PTPRE: variants seen among roughly 807,000 people sequenced by gnomAD.
PTPRE encodes the protein protein tyrosine phosphatase receptor type E.
In PTPRE, 51 loss-of-function variants were observed where a neutral mutation model predicts 102.0. The observed-to-expected ratio is 0.50, with a 90% CI of 0.40 to 0.63. PTPRE has a LOEUF of 0.63. PTPRE is among the 30% of genes least tolerant of loss of function. PTPRE has a pLI of 0.00. For synonymous variants in PTPRE, 345 were observed against 348.2 expected (o/e 0.99, Z 0.10); for missense variants, 752 against 915.1 (o/e 0.82, Z 2.30).
At chr10:128,064,886 T>C (rs576493453) in intron 10 of PTPRE, among the ~76,000 whole-genome samples, 1 of 152,318 alleles carries the variant, frequency 6.6e-6, no homozygotes, top group Non-Finnish European at 1.5e-5. Flanking sequence ...TGGCATCTCA[T>C]GATCGGGTGG....
chr10:127,921,765 C>A (rs1846624954), intron 1 of PTPRE, among the ~76,000 whole-genome samples: 1 of 152,144 alleles, frequency 6.6e-6, no homozygotes, highest in Non-Finnish European at 1.5e-5. Context: ...TTACAAAGCT[C>A]CCCCAGGAAA....
intron 3 of PTPRE, among the ~76,000 whole-genome samples, chr10:128,046,566 T>G (rs1848106073): frequency 6.6e-6 from 1 of 151,464 alleles, no homozygotes; most frequent in Non-Finnish European, 1.5e-5. Context: ...TTCTTGGAGG[T>G]GGGGGCCTTT....
At chr10:128,002,313 G>A (rs1854003992) in intron 2 of PTPRE, among the ~76,000 whole-genome samples, 1 of 152,178 alleles carries the variant, frequency 6.6e-6, no homozygotes, top group East Asian at 1.9e-4. Flanking sequence ...GAGGAAGTGG[G>A]CAAGGACAAA....
At chr10:127,931,483 G>C (rs999262731) in intron 1 of PTPRE, among the ~76,000 whole-genome samples, 7 of 152,202 alleles carry the variant, frequency 4.6e-5, no homozygotes, top group Non-Finnish European at 8.8e-5. Flanking sequence ...GCAGAAGCTG[G>C]CCTGTGATAG....
intron 1 of PTPRE, among the ~76,000 whole-genome samples, chr10:127,930,827 T>C (rs1847375953): frequency 6.6e-6 from 1 of 151,298 alleles, no homozygotes; most frequent in South Asian, 2.1e-4. Context: ...GGAGTCTCAC[T>C]CTGTTGCCAG....
At chr10:127,966,179 G>T (rs1032541575) in intron 1 of PTPRE, among the ~76,000 whole-genome samples, 2 of 152,192 alleles carry the variant, frequency 1.3e-5, no homozygotes, top group Admixed American at 6.5e-5. Flanking sequence ...GAGGTCCTAT[G>T]CTGCATCTGG....
At chr10:128,075,703 T>A (rs1851163203) in intron 17 of PTPRE, among the ~76,000 whole-genome samples, 1 of 152,244 alleles carries the variant, frequency 6.6e-6, no homozygotes, top group Non-Finnish European at 1.5e-5. Flanking sequence ...GGTGTCCTAA[T>A]TATTGTTAAT....
intron 7 of PTPRE, among the ~76,000 whole-genome samples, chr10:128,057,381 C>T (rs778243228): frequency 6.6e-6 from 1 of 152,162 alleles, no homozygotes; most frequent in African/African-American, 2.4e-5. Context: ...CTGCAGCCTC[C>T]GCCTGGTCCA....
rs376454644 is a variant in PTPRE, at chr10:128,061,039, T to A, written c.588+24T>A. On this transcript the variant is annotated intron_variant, in intron 8 of 20. Coordinates refer to ENST00000254667, the MANE Select transcript of PTPRE (RefSeq NM_006504.6). Reference sequence around the variant, plus strand: ...ATGTAAGTGGGCAGAGGTTTCTTGTTCCCCTGGCCCAGCTGGGGCATGAGC... The same window carrying A: ...ATGTAAGTGGGCAGAGGTTTCTTGTACCCCTGGCCCAGCTGGGGCATGAGC... 595 of 1,608,560 alleles carry A rather than the reference T, an allele frequency of 3.7e-4. 1 individual carries two copies. Among genetic ancestry groups the A allele is most frequent in the Non-Finnish European group, 4.7e-4 (556 of 1,175,128 alleles).
chr10:128,076,341 T>G (rs1008807592), intron 17 of PTPRE, among the ~76,000 whole-genome samples: 4 of 152,192 alleles, frequency 2.6e-5, no homozygotes, highest in Admixed American at 6.5e-5. Context: ...AGAAAACCAA[T>G]TTTTCCAGCC....
chr10:127,929,210 T>A (rs1433752405), intron 1 of PTPRE, among the ~76,000 whole-genome samples: 1 of 152,226 alleles, frequency 6.6e-6, no homozygotes. Flanking sequence ...TCACAGCGGC[T>A]TATGTAATTA....
intron 1 of PTPRE, among the ~76,000 whole-genome samples, chr10:127,943,921 G>C (rs1376443197): frequency 2.6e-5 from 4 of 152,196 alleles, no homozygotes; most frequent in African/African-American, 9.7e-5. Context: ...GGTTGACCTG[G>C]CTGTGGACTC....
intron 2 of PTPRE, 110 bp from the exon 3 acceptor site, chr10:128,040,765 A>C (rs1847619101): frequency 2.6e-6 from 2 of 769,314 alleles, no homozygotes; most frequent in African/African-American, 3.5e-5. Context: ...CTTGGCTCAG[A>C]GAAAGCCCTG....
intron 1 of PTPRE, among the ~76,000 whole-genome samples, chr10:127,979,554 G>A (rs1206737981): frequency 6.6e-6 from 1 of 152,158 alleles, no homozygotes; most frequent in Admixed American, 6.5e-5. Flanking sequence ...GTGCACACCT[G>A]TAGTCCCAGC....
At chr10:128,001,428 C>T (rs547617657) in intron 2 of PTPRE, among the ~76,000 whole-genome samples, 13 of 152,310 alleles carry the variant, frequency 8.5e-5, no homozygotes, top group South Asian at 8.3e-4. Context: ...ATCCCAGTCA[C>T]GCACTGGGGG....
chr10:127,916,516 A>G lies in PTPRE; in HGVS notation c.-31+9207A>G, dbSNP rs142361046. Among the ~76,000 whole-genome samples, 687 of 152,304 alleles carry G rather than the reference A, an allele frequency of 4.5e-3. 3 individuals carry two copies. Among genetic ancestry groups the G allele is most frequent in the Non-Finnish European group, 7.0e-3 (473 of 68,026 alleles). On this transcript the variant is annotated intron_variant, in intron 1 of 20. Transcript: ENST00000254667. The stretch of plus-strand genomic sequence containing the variant: ...ATTACCCAGTCTTAGGCAGTTCTTT[A>G]TAGCAGTATGAAAACAGACTAATAC...
chr10:128,013,979 C>T (rs774248379), intron 2 of PTPRE, among the ~76,000 whole-genome samples: 9 of 152,154 alleles, frequency 5.9e-5, no homozygotes, highest in East Asian at 1.9e-4. Flanking sequence ...GAGGCTACCA[C>T]GGAATTAGAC....
chr10:127,959,817 C>T (rs1849668176), intron 1 of PTPRE, among the ~76,000 whole-genome samples: 1 of 152,120 alleles, frequency 6.6e-6, no homozygotes, highest in Admixed American at 6.5e-5. Context: ...TAATATGACC[C>T]ACCTTGCAGG....
In PTPRE at chr10:128,008,645, G is replaced by T. The variant is rs1009345404; in HGVS notation, c.-8+26349G>T. 9.2e-5 allele frequency among the ~76,000 whole-genome samples: 14 copies of T among 152,182 alleles called. No individual in the cohort carries two copies. Among genetic ancestry groups the T allele is most frequent in the Non-Finnish European group, 2.9e-5 (2 of 68,038 alleles). On this transcript the variant is annotated intron_variant, in intron 2 of 20. Coordinates refer to ENST00000254667, the MANE Select transcript of PTPRE (RefSeq NM_006504.6). This position sits in a 1 kb window ranked among gnomAD's most constrained non-coding sequence, Gnocchi z 4.0. ...ACACACCTGGTCTTTCTCAACTCCT[G>T]CAAGTCACGTCTTCCCAGAATCTAC... is the stretch of plus-strand genomic sequence containing the variant.
Sources: allele counts gnomAD v4.1 joint callset (sites outside exome capture counted in the v4.1 genomes callset), GRCh38; gene constraint gnomAD v4.1.1; non-coding constraint Gnocchi (gnomAD v3.1); transcripts MANE v1.5; gene names NCBI Gene and HGNC (gene_info 2026-07-23, HGNC 2026-07-21).